The following ALKBH3 variants were observed in gnomAD, a reference collection of about 807,000 sequenced individuals.
ALKBH3 encodes the protein alpha-ketoglutarate-dependent dioxygenase alkB homolog 3.
ALKBH3 carries 51 observed loss-of-function variants against 43.9 expected under a neutral mutation model. That is an observed-to-expected ratio of 1.16 (90% confidence interval 0.93 to 1.47). The LOEUF (loss-of-function observed/expected upper bound fraction) is 1.47. ALKBH3 is among the 40% of genes most tolerant of loss of function. The probability of loss-of-function intolerance (pLI) is 0.00; values close to 1 mark genes in which losing one functional copy is unlikely to be tolerated. For synonymous variants in ALKBH3, 102 were observed against 115.2 expected, an observed-to-expected ratio of 0.89 and a Z score of 0.73; for missense variants, 361 against 351.9, an observed-to-expected ratio of 1.03 and a Z score of -0.21.
At chr11:43,901,215 G>T (rs757005834) in intron 7 of ALKBH3, among the ~76,000 whole-genome samples, 1 of 152,132 alleles carries the variant, frequency 6.6e-6, no homozygotes, top group Admixed American at 6.5e-5. Flanking sequence ...CATGGCAAAG[G>T]CCATGTATTT....
intron 8 of ALKBH3, chr11:43,912,138 A>G (rs1248769717): frequency 1.4e-5 from 2 of 145,126 alleles, no homozygotes; most frequent in Non-Finnish European, 3.1e-5. Flanking sequence ...AAACAAACAA[A>G]CAAAAAACAA....
intron 7 of ALKBH3, chr11:43,899,240 G>A: frequency 2.7e-6 from 2 of 738,602 alleles, no homozygotes; most frequent in Non-Finnish European, 5.1e-6. Flanking sequence ...CTACAGCATG[G>A]TGGAATTGCC....
intron 8 of ALKBH3, among the ~76,000 whole-genome samples, chr11:43,914,880 A>C (rs1213054887): frequency 1.3e-5 from 2 of 152,132 alleles, no homozygotes; most frequent in Admixed American, 1.3e-4. Context: ...ACAGCAGAAG[A>C]AACACAAACA....
At position 43,920,021 on chromosome 11, in the gene ALKBH3, T is replaced by C. The variant is rs1440921327; in HGVS notation, c.*11T>C. The C allele has an allele frequency of 1.2e-6, 2 of 1,608,952 alleles. No homozygotes were observed. The highest frequency in any genetic ancestry group is 4.5e-5 in the East Asian group (2 of 44,842). ...GGGGCACCCTGGTGACGTCAGAGCT[T>C]TGAGAGAGAAGCTTCACTGAAACGG... On this transcript the variant is annotated 3_prime_UTR_variant, in exon 10 of 10. Coordinates refer to ENST00000302708, the MANE Select transcript of ALKBH3 (RefSeq NM_139178.4).
At chr11:43,897,819 G>A in intron 7 of ALKBH3, 2 of 829,430 alleles carry the variant, frequency 2.4e-6, no homozygotes, top group Non-Finnish European at 4.3e-6. Flanking sequence ...TGAACAGTCT[G>A]CAAGTTTAGA....
At chr11:43,912,315 C>T (rs1006806907) in intron 8 of ALKBH3, 3 of 152,246 alleles carry the variant, frequency 2.0e-5, no homozygotes, top group African/African-American at 7.2e-5. Context: ...CATGGACTCT[C>T]ACTGTTCCCG....
At chr11:43,900,267 A>T (rs1331598696) in intron 7 of ALKBH3, among the ~76,000 whole-genome samples, 3 of 114,484 alleles carry the variant, frequency 2.6e-5, no homozygotes, top group African/African-American at 1.0e-4. Context: ...TCTGTTACCC[A>T]GGCTGGAGTG....
intron 8 of ALKBH3, chr11:43,916,923 T>A (rs953235435): frequency 5.3e-5 from 8 of 152,222 alleles, no homozygotes; most frequent in Non-Finnish European, 1.2e-4. Flanking sequence ...TGTCTCCTTC[T>A]GCAAATTAGG....
intron 7 of ALKBH3, among the ~76,000 whole-genome samples, chr11:43,895,966 A>C (rs942410451): frequency 2.6e-5 from 4 of 152,210 alleles, no homozygotes; most frequent in Non-Finnish European, 5.9e-5. Context: ...AAGTGTACCT[A>C]AAGTACTCCA....
At chr11:43,893,436 C>T (rs576482482) in intron 7 of ALKBH3, among the ~76,000 whole-genome samples, 29 of 152,174 alleles carry the variant, frequency 1.9e-4, no homozygotes, top group East Asian at 3.9e-4. Context: ...TCTTATTGTC[C>T]GACATTTTGG....
intron 6 of ALKBH3, among the ~76,000 whole-genome samples, chr11:43,890,650 G>A (rs960102702): frequency 2.0e-5 from 3 of 152,100 alleles, no homozygotes; most frequent in Admixed American, 6.5e-5. Flanking sequence ...TGGATCATGA[G>A]GTCAGGAGAT....
intron 7 of ALKBH3, chr11:43,897,993 C>G (rs775095622): frequency 9.2e-5 from 75 of 815,236 alleles, no homozygotes; most frequent in Non-Finnish European, 1.3e-4. Context: ...CCATCACGCC[C>G]TCTTCAGAGA....
intron 8 of ALKBH3, among the ~76,000 whole-genome samples, chr11:43,911,910 C>T (rs1951942114): frequency 1.3e-5 from 2 of 152,062 alleles, no homozygotes; most frequent in South Asian, 2.1e-4. Flanking sequence ...ATCACAAGGT[C>T]GGGAGTTCGA....
intron 5 of ALKBH3, among the ~76,000 whole-genome samples, chr11:43,887,133 A>T (rs1951751862): frequency 6.6e-6 from 1 of 152,256 alleles, no homozygotes; most frequent in Admixed American, 6.5e-5. Context: ...CTTATTTCAA[A>T]TAGGTAACTT....
chr11:43,893,135 T>G (rs1704221183), intron 7 of ALKBH3, among the ~76,000 whole-genome samples: 1 of 152,256 alleles, frequency 6.6e-6, no homozygotes, highest in South Asian at 2.1e-4. Context: ...TTAAATGGGC[T>G]GTGGGGAAGT....
intron 4 of ALKBH3, 118 bp downstream of exon 4, chr11:43,884,135 G>T (rs1951732237): frequency 3.4e-6 from 4 of 1,186,318 alleles, no homozygotes; most frequent in Non-Finnish European, 4.9e-6. Context: ...CTTAACTGTA[G>T]TCTGGGATAT....
At chr11:43,904,064 A>T (rs559637944) in intron 8 of ALKBH3, among the ~76,000 whole-genome samples, 1 of 152,164 alleles carries the variant, frequency 6.6e-6, no homozygotes, top group African/African-American at 2.4e-5. Flanking sequence ...ACAGCGCTTT[A>T]TCCTGCCGTG....
intron 8 of ALKBH3, among the ~76,000 whole-genome samples, chr11:43,917,146 T>C (rs1018822444): frequency 6.6e-6 from 1 of 152,214 alleles, no homozygotes; most frequent in African/African-American, 2.4e-5. Flanking sequence ...CCTGAGACTT[T>C]CTCTCATTTG....
intron 8 of ALKBH3, among the ~76,000 whole-genome samples, chr11:43,913,361 C>G (rs1268621704): frequency 6.6e-6 from 1 of 152,100 alleles, no homozygotes; most frequent in African/African-American, 2.4e-5. Flanking sequence ...GTCCTCCACC[C>G]TCCATTATTC....
Sources: gnomAD v4.1 joint callset for allele counts (sites outside exome capture counted in the v4.1 genomes callset) on GRCh38, gnomAD v4.1.1 for gene constraint, MANE v1.5 for transcripts, NCBI Gene and HGNC (gene_info 2026-07-23, HGNC 2026-07-21) for gene names.